The following PTPRO variants were observed in gnomAD, a reference collection of about 807,000 sequenced individuals.
PTPRO encodes the protein protein tyrosine phosphatase receptor type O.
In PTPRO, 62 loss-of-function variants were observed where a neutral mutation model predicts 145.2. That is an observed-to-expected ratio of 0.43 (90% CI 0.35 to 0.53). The LOEUF is 0.53. PTPRO is among the 20% of genes least tolerant of loss of function. The pLI, the probability that PTPRO is intolerant of heterozygous loss-of-function variation, is 0.01. For synonymous variants in PTPRO, 565 were observed against 514.7 expected (o/e 1.10, Z -1.32); for missense variants, 1,345 against 1,482.7 (o/e 0.91, Z 1.53).
chr12:15,538,254 ACAGAGT>A (rs1943106702), intron 12 of PTPRO, among the ~76,000 whole-genome samples: 1 of 148,766 alleles, frequency 6.7e-6, no homozygotes, highest in Non-Finnish European at 1.5e-5. Flanking sequence ...TTTTTTTGAG[ACAGAGT>A]CTTACTCTGT....
rs1193616096 is a variant in PTPRO at position 15,516,898 on chromosome 12, C to T, written c.1721C>T (p.Thr574Ile). 1.9e-6 allele frequency: 3 copies of T among 1,613,924 alleles called. No homozygotes were observed. The highest frequency in any genetic ancestry group is 1.1e-5 in the South Asian group (1 of 91,080). Residue 574 changes from threonine (T) to isoleucine (I), a missense_variant, in exon 9 of 27, where the codon ACA becomes ATA. By Grantham distance (89) the Thr-to-Ile change is moderately conservative. Transcript: ENST00000281171. ...TTTTATTTCAACCCTGCTACAATGA[C>T]ATCAGAGTGGACCACCTACTATGAA... ...EMFYFNPATMTSEWTTYYEIA... is the reference protein window; with the variant it reads ...EMFYFNPATMISEWTTYYEIA...
At chr12:15,442,866 A>G (rs1940807159) in intron 1 of PTPRO, among the ~76,000 whole-genome samples, 1 of 152,216 alleles carries the variant, frequency 6.6e-6, no homozygotes, top group Non-Finnish European at 1.5e-5. Flanking sequence ...ATAGATTAGA[A>G]GAATCAATAT....
rs74496697 is a variant in PTPRO, at chr12:15,500,390, A to G, written c.661+796A>G. Among the ~76,000 whole-genome samples the G allele has an allele frequency of 2.0e-4, 30 of 152,344 alleles. 2 individuals are homozygous for G. In the East Asian group the frequency reaches 5.4e-3, roughly 27 times the overall value. ...ACCTAATGTCAACAGTTAAGATTCT[A>G]TTTATGTTTTTCATTATTCAATGTA... is the stretch of plus-strand genomic sequence containing the variant. On this transcript the variant is annotated intron_variant, in intron 4 of 26. Coordinates refer to ENST00000281171, the MANE Select transcript of PTPRO (RefSeq NM_030667.3).
chr12:15,340,241 C>T (rs150109721), intron 1 of PTPRO, among the ~76,000 whole-genome samples: 160 of 152,266 alleles, frequency 1.1e-3, no homozygotes, highest in African/African-American at 3.1e-3. Context: ...CATTTGACCA[C>T]AGAACTCTAC....
At position 15,596,505 on chromosome 12, in the gene PTPRO, A is replaced by C. The variant is rs1430268118; in HGVS notation, c.*432A>C. 6.6e-6 allele frequency: 1 copy of C among 152,624 alleles called. No individual in the cohort carries two copies. The highest frequency in any genetic ancestry group is 2.4e-5 in the African/African-American group (1 of 41,434). The allele number at this position is 152,624 out of a possible 1,614,324, so 9.5% of individuals were successfully genotyped here. On this transcript the variant is annotated 3_prime_UTR_variant, in exon 27 of 27. Coordinates refer to ENST00000281171, the MANE Select transcript of PTPRO (RefSeq NM_030667.3). ...ACACCGTTCATCAGCCCCATAACCC[A>C]GGAAGGAACAGGCATTGTTAGCATC... is the stretch of plus-strand genomic sequence containing the variant.
chr12:15,394,299 A>G (rs1939275423), intron 1 of PTPRO, among the ~76,000 whole-genome samples: 1 of 152,104 alleles, frequency 6.6e-6, no homozygotes, highest in Admixed American at 6.6e-5. Flanking sequence ...TAGCTCTGAG[A>G]TAAAGCAATA....
At chr12:15,586,571 C>T (rs1944434148) in intron 23 of PTPRO, among the ~76,000 whole-genome samples, 2 of 152,186 alleles carry the variant, frequency 1.3e-5, no homozygotes, top group African/African-American at 4.8e-5. Flanking sequence ...ACCAACAGCA[C>T]TTTCTACAGT....
chr12:15,508,445 G>A lies in PTPRO; in HGVS notation c.1268-126G>A, dbSNP rs559713216. On this transcript the variant is annotated intron_variant, in intron 6 of 26. Transcript: ENST00000281171. ...AGAGGACCTGAAGAGTTGCCAGTCCGACCGCCAATCTTTCTTTGAATCTCA... is the reference window on the plus strand; with the variant it reads ...AGAGGACCTGAAGAGTTGCCAGTCCAACCGCCAATCTTTCTTTGAATCTCA... The A allele has an allele frequency of 8.1e-5, 83 of 1,025,624 alleles. No homozygotes were observed. In the South Asian group the frequency reaches 9.0e-4, roughly 11 times the overall value. The allele number at this position is 1,025,624 out of a possible 1,614,324, so 63.5% of individuals were successfully genotyped here.
rs1943460477 is a variant in PTPRO, at chr12:15,551,548, TA to T, written c.2438-2del. 5 of 1,613,090 alleles carry T rather than the reference TA, an allele frequency of 3.1e-6. No homozygotes were observed. In the South Asian group the frequency reaches 5.5e-5, roughly 18 times the overall value. Reference sequence around the variant, plus strand: ...GATGAAAATGCACAACTTATCTCTTTAGTTACAGAGATGAATCCCAATGTGG... The same window carrying T: ...GATGAAAATGCACAACTTATCTCTTTGTTACAGAGATGAATCCCAATGTGG... On this transcript the variant is annotated splice_acceptor_variant, in intron 14 of 26. Coordinates refer to ENST00000281171, the MANE Select transcript of PTPRO (RefSeq NM_030667.3). LOFTEE classifies it high-confidence loss of function.
In PTPRO at chr12:15,497,310, T is replaced by C; in HGVS notation, c.415T>C (p.Phe139Leu). The C allele has an allele frequency of 1.2e-6, 2 of 1,600,924 alleles. No individual in the cohort carries two copies. The highest frequency in any genetic ancestry group is 8.6e-7 in the Non-Finnish European group (1 of 1,168,192). Residue 139 changes from phenylalanine (F) to leucine (L), a missense_variant, in exon 3 of 27, where the codon TTT (phenylalanine) becomes CTT (leucine). Phe to Leu is a conservative substitution (Grantham distance 22, BLOSUM62 0). Around this residue, in one of 3 missense-constraint regions of PTPRO, gnomAD observed 1,130 missense variants for 1,214.7 expected, o/e 0.93. Transcript: ENST00000281171. ...YKPSPETGVL[F>L]EIHYPEKYNV... is the part of the protein sequence containing the mutation. ...ACCTTCTCCTGAAACAGGAGTCCTG[T>C]TTGAAATACATTATCCAGAAAAATA...
At chr12:15,345,913 T>C (rs1465813794) in intron 1 of PTPRO, among the ~76,000 whole-genome samples, 2 of 152,110 alleles carry the variant, frequency 1.3e-5, no homozygotes, top group Non-Finnish European at 2.9e-5. Flanking sequence ...CCTCAATATC[T>C]TCCCCCACTC....
At chr12:15,403,816 A>G (rs1939569467) in intron 1 of PTPRO, among the ~76,000 whole-genome samples, 1 of 150,430 alleles carries the variant, frequency 6.6e-6, no homozygotes, top group South Asian at 2.1e-4. Flanking sequence ...CCGAACATAG[A>G]ATAGACACAC....
Position 15,322,870 on chromosome 12 carries a change from T to A in PTPRO, c.75+69T>A. 6.6e-7 allele frequency: 1 copy of A among 1,520,490 alleles called. No individual in the cohort carries two copies. Among genetic ancestry groups the A allele is most frequent in the Non-Finnish European group, 9.0e-7 (1 of 1,115,540 alleles). 94.2% of individuals were successfully genotyped at this position (1,520,490 alleles called of 1,614,324 possible). A position where few individuals can be genotyped will look rare whatever the true frequency, so the allele number is the denominator to read the frequency against. ...CAGCCGCGCTCCGGCGCCCTCGCTCTGCCGTTGGGAGCGGCGCGCCCCAGG... is the reference window on the plus strand; with the variant it reads ...CAGCCGCGCTCCGGCGCCCTCGCTCAGCCGTTGGGAGCGGCGCGCCCCAGG... On this transcript the variant is annotated intron_variant, in intron 1 of 26. Coordinates refer to ENST00000281171, the MANE Select transcript of PTPRO (RefSeq NM_030667.3). This position sits in a 1 kb window ranked among gnomAD's most constrained non-coding sequence, Gnocchi z 6.3.
chr12:15,417,361 A>G (rs1410938360), intron 1 of PTPRO, among the ~76,000 whole-genome samples: 1 of 151,848 alleles, frequency 6.6e-6, no homozygotes, highest in Non-Finnish European at 1.5e-5. Context: ...CACACATACT[A>G]CTTGTGAACT....
chr12:15,358,478 A>T (rs888972211), intron 1 of PTPRO, among the ~76,000 whole-genome samples: 12 of 151,452 alleles, frequency 7.9e-5, no homozygotes, highest in African/African-American at 2.9e-4. Flanking sequence ...CTCCTACCTA[A>T]CTCCCCCACG....
At chr12:15,410,306 G>A (rs912182054) in intron 1 of PTPRO, 4 of 152,192 alleles carry the variant, frequency 2.6e-5, no homozygotes, top group African/African-American at 9.7e-5. Flanking sequence ...GTTTCCAGGA[G>A]AGATAAGTAT....
intron 2 of PTPRO, among the ~76,000 whole-genome samples, chr12:15,490,744 T>A (rs1405012843): frequency 6.6e-6 from 1 of 152,084 alleles, no homozygotes; most frequent in South Asian, 2.1e-4. Context: ...AGATAAGAAG[T>A]ATCAATGGCA....
chr12:15,427,188 TC>T (rs1486009055), intron 1 of PTPRO, among the ~76,000 whole-genome samples: 2 of 152,066 alleles, frequency 1.3e-5, no homozygotes, highest in Admixed American at 1.3e-4. Context: ...TATTCCCTGT[TC>T]TTTCTATCTG....
intron 1 of PTPRO, among the ~76,000 whole-genome samples, chr12:15,452,312 A>G (rs1314438484): frequency 1.3e-5 from 2 of 152,218 alleles, no homozygotes; most frequent in Non-Finnish European, 2.9e-5. Context: ...AGAAACCCTG[A>G]ACAGGCCAAT....
Sources: allele counts gnomAD v4.1 joint callset (sites outside exome capture counted in the v4.1 genomes callset), GRCh38; gene constraint gnomAD v4.1.1; regional missense constraint gnomAD v4.1.1; non-coding constraint Gnocchi (gnomAD v3.1); transcripts MANE v1.5; gene names NCBI Gene and HGNC (gene_info 2026-07-23, HGNC 2026-07-21).